PTPRN2: variants seen among roughly 807,000 people sequenced by gnomAD.
The protein encoded by PTPRN2 is receptor-type tyrosine-protein phosphatase N2.
In PTPRN2, 74 loss-of-function variants were observed where a neutral mutation model predicts 118.8. That is an observed-to-expected ratio of 0.62 (90% CI 0.52 to 0.76). PTPRN2 has a LOEUF of 0.76. Ranked by LOEUF, PTPRN2 falls within the 30% of genes least tolerant of loss-of-function variation. The pLI is 0.00. For missense variants in PTPRN2, 1,481 were observed against 1,394.4 expected, an observed-to-expected ratio of 1.06 and a Z score of -0.99; for synonymous variants, 641 against 608.0, an observed-to-expected ratio of 1.05 and a Z score of -0.80.
chr7:157,853,293 G>A (rs1413016362), intron 12 of PTPRN2, among the ~76,000 whole-genome samples: 1 of 152,200 alleles, frequency 6.6e-6, no homozygotes, highest in Non-Finnish European at 1.5e-5. Flanking sequence ...CAACGGAAAG[G>A]CCTGTGGCAT....
chr7:157,751,884 C>A (rs142627211), intron 12 of PTPRN2, among the ~76,000 whole-genome samples: 2 of 152,108 alleles, frequency 1.3e-5, no homozygotes, highest in South Asian at 2.1e-4. Context: ...AGGACAGAGA[C>A]CACCGTGAAC....
intron 10 of PTPRN2, among the ~76,000 whole-genome samples, chr7:158,086,102 C>G (rs1474522489): frequency 6.6e-6 from 1 of 152,208 alleles, no homozygotes; most frequent in Non-Finnish European, 1.5e-5. Context: ...TGGCTCCCTT[C>G]TCCACCAGGC....
chr7:157,654,059 T>C (rs541469289), intron 14 of PTPRN2, among the ~76,000 whole-genome samples: 862 of 50,724 alleles, frequency 0.017, no homozygotes, highest in South Asian at 0.065. Flanking sequence ...CTCCACACGA[T>C]GCCCGCCGCT....
intron 12 of PTPRN2, among the ~76,000 whole-genome samples, chr7:157,752,401 T>C (rs1361965912): frequency 6.6e-6 from 1 of 152,204 alleles, no homozygotes; most frequent in Non-Finnish European, 1.5e-5. Flanking sequence ...AGCTGTGCTC[T>C]GGGCGAGCAC....
chr7:157,558,090 G>A (rs930246467), intron 21 of PTPRN2, among the ~76,000 whole-genome samples: 2 of 150,830 alleles, frequency 1.3e-5, no homozygotes, highest in African/African-American at 4.9e-5. Flanking sequence ...ACAATTCAAG[G>A]GGGGATTGTT....
intron 6 of PTPRN2, among the ~76,000 whole-genome samples, chr7:158,139,253 C>T (rs961029892): frequency 2.6e-5 from 4 of 152,172 alleles, no homozygotes; most frequent in African/African-American, 9.7e-5. Context: ...GATGTGTGCA[C>T]CCGCTGCTCA....
At chr7:157,684,644 G>A (rs977067734) in intron 12 of PTPRN2, among the ~76,000 whole-genome samples, 2 of 140,688 alleles carry the variant, frequency 1.4e-5, no homozygotes, top group African/African-American at 2.6e-5. Flanking sequence ...CCAGAAAGAA[G>A]TCACTCTAGA....
intron 11 of PTPRN2, among the ~76,000 whole-genome samples, chr7:157,991,629 C>A (rs1202444620): frequency 1.3e-5 from 2 of 152,212 alleles, no homozygotes; most frequent in Non-Finnish European, 2.9e-5. Flanking sequence ...CACAGACTTG[C>A]AGCCTGCCTG....
chr7:158,484,558 TC>T (rs1820867076), intron 2 of PTPRN2, among the ~76,000 whole-genome samples: 2 of 152,192 alleles, frequency 1.3e-5, no homozygotes, highest in South Asian at 4.1e-4. Flanking sequence ...AGACGGGGTT[TC>T]ACCATGTTGG....
At chr7:158,484,599 G>A (rs1223074078) in intron 2 of PTPRN2, among the ~76,000 whole-genome samples, 1 of 152,230 alleles carries the variant, frequency 6.6e-6, no homozygotes, top group Admixed American at 6.5e-5. Flanking sequence ...CTGATCTCAA[G>A]TGATCTGCCC....
chr7:158,004,120 G>C (rs7791575), intron 11 of PTPRN2, among the ~76,000 whole-genome samples: 301 of 152,134 alleles, frequency 2.0e-3, no homozygotes, highest in African/African-American at 6.9e-3. Flanking sequence ...AAATTGCTCT[G>C]TTAATGCTTC....
intron 2 of PTPRN2, among the ~76,000 whole-genome samples, chr7:158,321,826 C>T (rs1314832146): frequency 2.6e-5 from 4 of 152,202 alleles, no homozygotes; most frequent in East Asian, 1.9e-4. Flanking sequence ...TACAGAAACA[C>T]GTGCACAGCT....
intron 12 of PTPRN2, among the ~76,000 whole-genome samples, chr7:157,816,312 C>G (rs1038617581): frequency 6.6e-6 from 1 of 152,180 alleles, no homozygotes; most frequent in Non-Finnish European, 1.5e-5. Context: ...GGGCCTGGGT[C>G]GGCCCCAGGG....
intron 3 of PTPRN2, among the ~76,000 whole-genome samples, chr7:158,276,861 G>A (rs1008940162): frequency 1.3e-5 from 2 of 152,216 alleles, no homozygotes; most frequent in Non-Finnish European, 2.9e-5. Flanking sequence ...GGGGCGGAGG[G>A]TGCGAGGCAT....
chr7:157,838,954 C>T (rs564633609), intron 12 of PTPRN2, among the ~76,000 whole-genome samples: 2 of 141,564 alleles, frequency 1.4e-5, no homozygotes, highest in South Asian at 5.0e-4. Flanking sequence ...GTGGCTACTC[C>T]AGTTCCTCTC....
chr7:158,026,080 G>A (rs1420981904), intron 11 of PTPRN2, among the ~76,000 whole-genome samples: 1 of 152,366 alleles, frequency 6.6e-6, no homozygotes, highest in African/African-American at 2.4e-5. Context: ...GCCGGGCCCC[G>A]TCGAGGCAGC....
At position 158,485,993 on chromosome 7, in the gene PTPRN2, T is replaced by C. The variant is rs536314184; in HGVS notation, c.163+3742A>G. Among the ~76,000 whole-genome samples the C allele has an allele frequency of 3.9e-5, 6 of 152,362 alleles. No individual in the cohort carries two copies. The East Asian group carries it at 1.2e-3, about 29-fold the overall frequency. On this transcript the variant is annotated intron_variant, in intron 2 of 22. Transcript: ENST00000389418. ...TAATGTCTGCTTAACATTTGAATCA[T>C]GTGACCATAACATAGCTTTAAAGAA...
intron 2 of PTPRN2, among the ~76,000 whole-genome samples, chr7:158,361,609 C>T (rs1349920714): frequency 6.6e-6 from 1 of 152,216 alleles, no homozygotes; most frequent in East Asian, 1.9e-4. Context: ...GAGCCACAGA[C>T]GATCTGGAGC....
intron 12 of PTPRN2, among the ~76,000 whole-genome samples, chr7:157,730,958 C>G (rs896995169): frequency 6.6e-6 from 1 of 152,148 alleles, no homozygotes; most frequent in Admixed American, 6.5e-5. Flanking sequence ...CCCAATGCCC[C>G]CTCTTTTGTG....
Sources: gnomAD v4.1 joint callset for allele counts (sites outside exome capture counted in the v4.1 genomes callset) on GRCh38, gnomAD v4.1.1 for gene constraint, MANE v1.5 for transcripts, NCBI Gene and HGNC (gene_info 2026-07-23, HGNC 2026-07-21) for gene names.